ITGBL1: variants seen among roughly 807,000 people sequenced by gnomAD.
ITGBL1 encodes integrin subunit beta like 1.
A neutral mutation model predicts 68.5 loss-of-function variants in ITGBL1; 51 were observed. That is an observed-to-expected ratio of 0.74 (90% CI 0.59 to 0.94). The LOEUF (loss-of-function observed/expected upper bound fraction) is 0.94, where lower values mean the gene tolerates loss of function less well. ITGBL1 is among the 40% of genes least tolerant of loss of function. ITGBL1 has a pLI of 0.00. For synonymous variants in ITGBL1, 209 were observed against 227.3 expected (o/e 0.92, Z 0.72); for missense variants, 649 against 647.4 (o/e 1.00, Z -0.03).
At chr13:101,459,219 C>A (rs1213901140) in intron 2 of ITGBL1, among the ~76,000 whole-genome samples, 1 of 152,106 alleles carries the variant, frequency 6.6e-6, no homozygotes, top group Non-Finnish European at 1.5e-5. Flanking sequence ...ACGTTTGGGG[C>A]AGGATGGGAA....
chr13:101,659,173 C>T (rs1389669997), intron 7 of ITGBL1, among the ~76,000 whole-genome samples: 1 of 150,538 alleles, frequency 6.6e-6, no homozygotes, highest in Non-Finnish European at 1.5e-5. Context: ...GATTCCCCTG[C>T]CTCAGCCTCC....
chr13:101,589,127 T>G (rs1031586990), intron 6 of ITGBL1, among the ~76,000 whole-genome samples: 3 of 152,208 alleles, frequency 2.0e-5, no homozygotes, highest in African/African-American at 4.8e-5. Context: ...TTTTTATTAC[T>G]GAAAAAGCAA....
intron 7 of ITGBL1, among the ~76,000 whole-genome samples, chr13:101,605,610 G>T (rs763768935): frequency 6.7e-6 from 1 of 150,018 alleles, no homozygotes; most frequent in Non-Finnish European, 1.5e-5. Flanking sequence ...GTGTATATGC[G>T]TATATATATA....
At chr13:101,719,697 T>C (rs1416936950), downstream of ITGBL1, 1 of 152,066 alleles carries the variant, frequency 6.6e-6, no homozygotes, top group Non-Finnish European at 1.5e-5. Flanking sequence ...ACACCAGATA[T>C]GCATGCAGAA....
intron 2 of ITGBL1, among the ~76,000 whole-genome samples, chr13:101,504,194 C>T (rs983296216): frequency 1.3e-5 from 2 of 152,120 alleles, no homozygotes; most frequent in African/African-American, 4.8e-5. Context: ...GGTTAGGATA[C>T]ATACACTTAT....
At chr13:101,483,209 T>A (rs1479333831) in intron 2 of ITGBL1, among the ~76,000 whole-genome samples, 2 of 152,094 alleles carry the variant, frequency 1.3e-5, no homozygotes, top group African/African-American at 2.4e-5. Flanking sequence ...TCACCTGGAA[T>A]CCTCTTGATG....
chr13:101,539,013 C>T lies in ITGBL1; in HGVS notation c.317-28686C>T, dbSNP rs143186410. The stretch of plus-strand genomic sequence containing the variant: ...AGCTTTACCATCAGTGGTACGGTTG[C>T]GGAGTGTGTGACTTTGAGATTTATG... On this transcript the variant is annotated intron_variant, in intron 2 of 10. Coordinates refer to ENST00000376180, the MANE Select transcript of ITGBL1 (RefSeq NM_004791.3). Among the ~76,000 whole-genome samples, 335 of 139,672 alleles carry T rather than the reference C, an allele frequency of 2.4e-3. 7 individuals are homozygous for T. The East Asian group carries it at 0.047, about 20-fold the overall frequency. 91.6% of individuals were successfully genotyped at this position (139,672 alleles called of 152,430 possible).
chr13:101,670,184 A>G (rs1213719816), intron 7 of ITGBL1, among the ~76,000 whole-genome samples: 2 of 152,216 alleles, frequency 1.3e-5, no homozygotes, highest in African/African-American at 4.8e-5. Flanking sequence ...TTTAAGAGCC[A>G]CATATTACCC....
chr13:101,592,309 G>T (rs556347184), intron 6 of ITGBL1, among the ~76,000 whole-genome samples: 1 of 152,168 alleles, frequency 6.6e-6, no homozygotes, highest in South Asian at 2.1e-4. Flanking sequence ...TGTAGTATTT[G>T]CTTAAAAAGT....
At chr13:101,584,519 T>G (rs1368866556) in intron 6 of ITGBL1, among the ~76,000 whole-genome samples, 1 of 152,138 alleles carries the variant, frequency 6.6e-6, no homozygotes, top group Non-Finnish European at 1.5e-5. Context: ...ATAAAAGAAC[T>G]GTCCCATTTA....
rs115170609 is a variant in ITGBL1, at chr13:101,507,309, A to G, written c.316+53209A>G. ...CGGCACCAAGGACAGTGCTTGGTAG[A>G]GTGGATATCCAGAAAATACTTCAAC... is the stretch of plus-strand genomic sequence containing the variant. On this transcript the variant is annotated intron_variant, in intron 2 of 10. Coordinates refer to ENST00000376180, the MANE Select transcript of ITGBL1 (RefSeq NM_004791.3). Among the ~76,000 whole-genome samples, 219 of 152,300 alleles carry G rather than the reference A, an allele frequency of 1.4e-3. 2 individuals are homozygous for G. Among genetic ancestry groups the G allele is most frequent in the African/African-American group, 5.0e-3 (209 of 41,572 alleles).
At chr13:101,637,618 C>T (rs1250087908) in intron 7 of ITGBL1, among the ~76,000 whole-genome samples, 1 of 152,212 alleles carries the variant, frequency 6.6e-6, no homozygotes, top group East Asian at 1.9e-4. Context: ...GCTGGGATTA[C>T]AGGCGTGAGC....
chr13:101,628,672 C>T (rs1051623579), intron 7 of ITGBL1, among the ~76,000 whole-genome samples: 2 of 150,526 alleles, frequency 1.3e-5, no homozygotes, highest in African/African-American at 4.9e-5. Flanking sequence ...GATCTCTTGA[C>T]CTCGTGATCC....
chr13:101,481,195 A>G (rs2048619280), intron 2 of ITGBL1, among the ~76,000 whole-genome samples: 1 of 151,390 alleles, frequency 6.6e-6, no homozygotes, highest in Non-Finnish European at 1.5e-5. Flanking sequence ...TGAGAGAGAG[A>G]GAGAGAGACT....
chr13:101,457,445 C>A (rs1428306973), intron 2 of ITGBL1, among the ~76,000 whole-genome samples: 1 of 152,160 alleles, frequency 6.6e-6, no homozygotes, highest in African/African-American at 2.4e-5. Context: ...TCATAAGAAC[C>A]ATACTTATTA....
chr13:101,654,203 G>A (rs1158134408), intron 7 of ITGBL1, among the ~76,000 whole-genome samples: 8 of 152,138 alleles, frequency 5.3e-5, no homozygotes, highest in Non-Finnish European at 8.8e-5. Context: ...GATGAGTTCA[G>A]ATCTTGTTCT....
At chr13:101,664,659 G>A (rs779472323) in intron 7 of ITGBL1, among the ~76,000 whole-genome samples, 3 of 152,080 alleles carry the variant, frequency 2.0e-5, no homozygotes, top group Non-Finnish European at 2.9e-5. Context: ...TTATGTGTAT[G>A]AACCTGTTTG....
chr13:101,548,823 T>A (rs1159465779), intron 2 of ITGBL1, among the ~76,000 whole-genome samples: 11 of 151,844 alleles, frequency 7.2e-5, no homozygotes, highest in Admixed American at 7.2e-4. Flanking sequence ...AATTATTGTA[T>A]ATCTGTGAAT....
intron 7 of ITGBL1, among the ~76,000 whole-genome samples, chr13:101,616,942 A>T (rs564899397): frequency 2.0e-4 from 30 of 152,316 alleles, no homozygotes; most frequent in Non-Finnish European, 3.5e-4. Context: ...AGACAATGAG[A>T]ACACCTTAAA....
Sources: allele counts gnomAD v4.1 joint callset (sites outside exome capture counted in the v4.1 genomes callset), GRCh38; gene constraint gnomAD v4.1.1; transcripts MANE v1.5; gene names NCBI Gene and HGNC (gene_info 2026-07-23, HGNC 2026-07-21).